Variants in OCA2 observed in about 807,000 individuals in gnomAD.
OCA2 encodes P protein.
Under a neutral mutation model 100.2 loss-of-function variants are expected in OCA2, and 77 were observed. That is an observed-to-expected ratio of 0.77 (90% CI 0.64 to 0.93). The LOEUF (loss-of-function observed/expected upper bound fraction) is 0.93, where lower values mean the gene tolerates loss of function less well. OCA2 is among the 40% of genes least tolerant of loss of function. The pLI, the probability that OCA2 is intolerant of heterozygous loss-of-function variation, is 0.00. For missense variants in OCA2, 1,062 were observed against 1,089.1 expected (o/e 0.98, Z 0.35); for synonymous variants, 432 against 439.2 (o/e 0.98, Z 0.21).
chr15:28,045,810 C>A (rs1443429968), intron 2 of OCA2, among the ~76,000 whole-genome samples: 3 of 152,226 alleles, frequency 2.0e-5, no homozygotes, highest in African/African-American at 4.8e-5. Context: ...CCTCCAAACT[C>A]ATATATACTA....
At chr15:27,843,316 G>A (rs1039000561) in intron 23 of OCA2, among the ~76,000 whole-genome samples, 2 of 152,140 alleles carry the variant, frequency 1.3e-5, no homozygotes, top group Non-Finnish European at 2.9e-5. Flanking sequence ...TCTTCCTGCT[G>A]CCCACTCAGC....
At chr15:27,944,080 G>A (rs919832059) in intron 18 of OCA2, among the ~76,000 whole-genome samples, 4 of 152,096 alleles carry the variant, frequency 2.6e-5, no homozygotes, top group Admixed American at 2.6e-4. Context: ...CCTTGACTAT[G>A]GAAATTATCG....
chr15:27,720,114 T>C, the OCA2 span, among the ~76,000 whole-genome samples: 1 of 152,222 alleles, frequency 6.6e-6, no homozygotes, highest in African/African-American at 2.4e-5. Flanking sequence ...GATTAGGTTT[T>C]AACATGACTT....
intron 19 of OCA2, among the ~76,000 whole-genome samples, chr15:27,909,785 G>A (rs2703929): frequency 0.054 from 8,253 of 152,198 alleles, 770 homozygotes; most frequent in African/African-American, 0.19. Context: ...TGTAAAATAA[G>A]ATAGCATAGA....
intron 1 of OCA2, among the ~76,000 whole-genome samples, chr15:28,084,980 G>C (rs2044752930): frequency 6.6e-6 from 1 of 152,134 alleles, no homozygotes; most frequent in Non-Finnish European, 1.5e-5. Context: ...GTCAGTCCTG[G>C]GTCCTGCCTG....
chr15:27,940,918 G>A (rs1027807181), intron 18 of OCA2, among the ~76,000 whole-genome samples: 6 of 152,176 alleles, frequency 3.9e-5, no homozygotes, highest in Admixed American at 1.3e-4. Flanking sequence ...TATTAATGTT[G>A]AGGAATTTAA....
At chr15:27,876,118 C>T (rs76908135) in intron 19 of OCA2, among the ~76,000 whole-genome samples, 2,409 of 152,110 alleles carry the variant, frequency 0.016, 57 homozygotes, top group African/African-American at 0.051. Context: ...TTAAGTTTTT[C>T]GCCATGAAGT....
intron 21 of OCA2, among the ~76,000 whole-genome samples, chr15:27,866,689 CAGAGG>C (rs1235210403): frequency 3.3e-5 from 5 of 152,188 alleles, no homozygotes; most frequent in African/African-American, 4.8e-5. Context: ...CTGTGGGACC[CAGAGG>C]GCAAGCGAGG....
rs575228451 is a variant in OCA2 at position 27,985,804 on chromosome 15, C to T, written c.1240-616G>A. Among the ~76,000 whole-genome samples the T allele has an allele frequency of 3.6e-4, 55 of 151,624 alleles. 2 individuals carry two copies. The highest frequency in any genetic ancestry group is 7.4e-4 in the Non-Finnish European group (50 of 67,938). ...ACGCCTGGGGTTCAAGCAATTCTCT[C>T]GCCTCAGCCTCCCGAGTAGCTGGGA... On this transcript the variant is annotated intron_variant, in intron 12 of 23. Transcript: ENST00000354638.
rs149619619 is a variant in OCA2 at position 27,929,420 on chromosome 15, G to A, written c.1952-3166C>T. 1.1e-3 allele frequency among the ~76,000 whole-genome samples: 163 copies of A among 152,234 alleles called. 1 individual carries two copies. The highest frequency in any genetic ancestry group is 3.7e-3 in the African/African-American group (155 of 41,560). On this transcript the variant is annotated intron_variant, in intron 18 of 23. Transcript: ENST00000354638. Reference sequence around the variant, plus strand: ...GAAGTCTTTTCCACATATGGTGCTGGAACAGTTGGATATCCACATGCAAAA... The same window carrying A: ...GAAGTCTTTTCCACATATGGTGCTGAAACAGTTGGATATCCACATGCAAAA...
At chr15:27,886,118 C>T (rs76038711) in intron 19 of OCA2, among the ~76,000 whole-genome samples, 2,639 of 152,252 alleles carry the variant, frequency 0.017, 79 homozygotes, top group African/African-American at 0.06. Flanking sequence ...AGTACAAATG[C>T]ACATTCACCT....
chr15:27,778,525 C>G (rs899072376), intron 23 of OCA2, among the ~76,000 whole-genome samples: 1 of 152,036 alleles, frequency 6.6e-6, no homozygotes, highest in Non-Finnish European at 1.5e-5. Context: ...ACAGAAGACA[C>G]GCCCTTGCAT....
intron 21 of OCA2, among the ~76,000 whole-genome samples, chr15:27,869,753 C>T (rs151101750): frequency 1.3e-5 from 2 of 152,112 alleles, no homozygotes; most frequent in African/African-American, 2.4e-5. Context: ...GCTGGGACAG[C>T]GCGGAGTCTC....
At chr15:27,886,664 G>C (rs1221380746) in intron 19 of OCA2, among the ~76,000 whole-genome samples, 2 of 152,020 alleles carry the variant, frequency 1.3e-5, no homozygotes, top group African/African-American at 4.8e-5. Flanking sequence ...TTTAAAGTTA[G>C]GTCCAATTAT....
At chr15:27,835,438 A>G (rs11858340) in intron 23 of OCA2, among the ~76,000 whole-genome samples, 101,796 of 152,128 alleles carry the variant, frequency 0.67, 35,287 homozygotes, top group East Asian at 0.96. Context: ...CACAACCTGG[A>G]CAGGAGACAT....
chr15:27,928,488 G>A (rs1040510679), intron 18 of OCA2, among the ~76,000 whole-genome samples: 56 of 152,194 alleles, frequency 3.7e-4, no homozygotes, highest in African/African-American at 1.3e-3. Context: ...GTTCACAGCA[G>A]GATGTCTGCT....
intron 9 of OCA2, 147 bp downstream of exon 9, chr15:28,014,629 G>A (rs2042330909): frequency 2.3e-6 from 2 of 877,182 alleles, no homozygotes; most frequent in African/African-American, 1.7e-5. Flanking sequence ...TCTACCTAGA[G>A]AGAGGGACAC....
intron 19 of OCA2, 39 bp from the exon 20 acceptor site, chr15:27,871,961 C>T (rs375747501): frequency 8.9e-5 from 127 of 1,434,088 alleles, no homozygotes; most frequent in Non-Finnish European, 1.2e-4. Flanking sequence ...AGTTTAGAAC[C>T]GAAAATATAT....
chr15:27,846,711 A>C (rs2035551376), intron 22 of OCA2, among the ~76,000 whole-genome samples: 1 of 152,130 alleles, frequency 6.6e-6, no homozygotes, highest in South Asian at 2.1e-4. Context: ...GTAGGTTGCC[A>C]AGGTGAACTG....
Sources: gnomAD v4.1 joint callset for allele counts (sites outside exome capture counted in the v4.1 genomes callset) on GRCh38, gnomAD v4.1.1 for gene constraint, MANE v1.5 for transcripts, NCBI Gene and HGNC (gene_info 2026-07-23, HGNC 2026-07-21) for gene names.